NLGN4Y: variants seen among roughly 807,000 people sequenced by gnomAD.
The protein encoded by NLGN4Y is neuroligin-4, Y-linked.
In NLGN4Y, 4 loss-of-function variants were observed where a neutral mutation model predicts 8.4. That is an observed-to-expected ratio of 0.48 (90% confidence interval 0.23 to 1.09). The LOEUF (loss-of-function observed/expected upper bound fraction) is 1.09. NLGN4Y is among the 50% of genes least tolerant of loss of function. The probability of loss-of-function intolerance (pLI) is 0.19; values close to 1 mark genes in which losing one functional copy is unlikely to be tolerated. For missense variants in NLGN4Y, 90 were observed against 192.3 expected (o/e 0.47, Z 3.15); for synonymous variants, 35 against 75.6 (o/e 0.46, Z 2.78).
chrY:14,525,548 T>A, intron 1 of NLGN4Y, among the ~76,000 whole-genome samples: 1 of 33,520 alleles, frequency 3.0e-5, no homozygotes, highest in African/African-American at 1.2e-4. Flanking sequence ...TTAAGAAATT[T>A]GGGGTGGGGG....
intron 1 of NLGN4Y, among the ~76,000 whole-genome samples, chrY:14,618,820 T>G: frequency 3.0e-5 from 1 of 32,988 alleles, no homozygotes; most frequent in Non-Finnish European, 7.4e-5. Context: ...CCATACAGTT[T>G]AGAGGCGGCA....
chrY:14,739,259 C>T (rs2150561995), intron 4 of NLGN4Y, among the ~76,000 whole-genome samples: 1 of 32,304 alleles, frequency 3.1e-5, no homozygotes, highest in East Asian at 8.3e-4. Flanking sequence ...CCTGCCACCA[C>T]GTTTGGCTAA....
At chrY:14,678,729 C>T (rs1485309913) in intron 2 of NLGN4Y, among the ~76,000 whole-genome samples, 1 of 33,228 alleles carries the variant, frequency 3.0e-5, no homozygotes, top group South Asian at 6.8e-4. Flanking sequence ...GCTAGCTTAC[C>T]GGAAAAAGGA....
intron 1 of NLGN4Y, among the ~76,000 whole-genome samples, chrY:14,576,180 C>T (rs1033924348): frequency 2.9e-5 from 1 of 33,903 alleles, no homozygotes; most frequent in African/African-American, 1.2e-4. Context: ...ATGCCCTTCC[C>T]CCAGGGGTGG....
chrY:14,533,261 G>T (rs2080120001), intron 1 of NLGN4Y, among the ~76,000 whole-genome samples: 1 of 32,648 alleles, frequency 3.1e-5, no homozygotes. Flanking sequence ...TTAACATATG[G>T]TAGTGGAAAC....
intron 1 of NLGN4Y, among the ~76,000 whole-genome samples, chrY:14,540,897 C>T: frequency 3.0e-4 from 10 of 33,562 alleles, no homozygotes; most frequent in African/African-American, 4.6e-4. Context: ...GCCTCTCCTC[C>T]TCCAAAGGAT....
At chrY:14,532,916 C>A in intron 1 of NLGN4Y, among the ~76,000 whole-genome samples, 1 of 29,463 alleles carries the variant, frequency 3.4e-5, no homozygotes, top group Non-Finnish European at 8.1e-5. Flanking sequence ...TTTCTTCTTC[C>A]CTCTTTCCTT....
chrY:14,766,202 C>G (rs2081093116), intron 4 of NLGN4Y, among the ~76,000 whole-genome samples: 1 of 33,340 alleles, frequency 3.0e-5, no homozygotes, highest in African/African-American at 1.2e-4. Context: ...TTGAGACCTT[C>G]AAAACCTTTT....
At chrY:14,583,316 G>C (rs1603500385) in intron 1 of NLGN4Y, among the ~76,000 whole-genome samples, 2 of 33,535 alleles carry the variant, frequency 6.0e-5, no homozygotes, top group South Asian at 6.7e-4. Flanking sequence ...ATGTATTTAA[G>C]AAAAACAGTG....
At chrY:14,524,216 C>T (rs2080082419), upstream of NLGN4Y, 6 of 59,402 alleles carry the variant, frequency 1.0e-4, no homozygotes, top group Admixed American at 1.3e-3. Flanking sequence ...TCGGTGCCCA[C>T]TAAGAACACC....
intron 2 of NLGN4Y, among the ~76,000 whole-genome samples, chrY:14,658,385 C>T (rs2080662406): frequency 3.0e-5 from 1 of 33,527 alleles, no homozygotes; most frequent in African/African-American, 1.2e-4. Flanking sequence ...TTTTGCTACC[C>T]TGAATATTTA....
chrY:14,706,328 T>C (rs1220955839), intron 2 of NLGN4Y, among the ~76,000 whole-genome samples: 6 of 33,578 alleles, frequency 1.8e-4, no homozygotes, highest in Admixed American at 5.5e-4. Context: ...ACCAGTTGTA[T>C]GCAAGAAAAC....
intron 4 of NLGN4Y, chrY:14,801,477 G>A: frequency 5.4e-5 from 1 of 18,444 alleles, no homozygotes; most frequent in African/African-American, 2.2e-4. Flanking sequence ...GAAGCAAAAT[G>A]AACAAAGACG....
chrY:14,840,939 C>A lies in NLGN4Y; in HGVS notation c.2188C>A (p.His730Asn). 5.0e-6 allele frequency: 2 copies of A among 396,672 alleles called. No individual in the cohort carries two copies. The highest frequency in any genetic ancestry group is 7.1e-6 in the Non-Finnish European group (2 of 283,272). Residue 730 changes from histidine to asparagine, a missense_variant, in exon 7 of 7, where the codon CAC becomes AAC. Around this residue, in one of 4 missense-constraint regions of NLGN4Y, gnomAD observed 37 missense variants for 94.0 expected, o/e 0.39. Transcript: ENST00000684976. ...CAAGAGGCGCCATGAGACTCACAGG[C>A]ACCCCAGTCCCCAGAGAAACACCAC... ...KDKRRHETHR[H>N]PSPQRNTTND...
At chrY:14,621,230 A>G in intron 1 of NLGN4Y, among the ~76,000 whole-genome samples, 1 of 33,416 alleles carries the variant, frequency 3.0e-5, no homozygotes, top group Admixed American at 2.7e-4. Flanking sequence ...CCTGATAAAT[A>G]TCCACATCAC....
intron 4 of NLGN4Y, among the ~76,000 whole-genome samples, chrY:14,819,765 G>A: frequency 3.0e-5 from 1 of 33,322 alleles, no homozygotes; most frequent in Non-Finnish European, 7.4e-5. Context: ...TTAGACATAA[G>A]ATATTTCACT....
chrY:14,565,104 G>A (rs2080246725), intron 1 of NLGN4Y, among the ~76,000 whole-genome samples: 1 of 32,568 alleles, frequency 3.1e-5, no homozygotes, highest in Non-Finnish European at 7.5e-5. Flanking sequence ...AAACCAGGAT[G>A]CCTCTCCTCC....
At chrY:14,685,478 CCT>C (rs2080786319) in intron 2 of NLGN4Y, among the ~76,000 whole-genome samples, 1 of 33,174 alleles carries the variant, frequency 3.0e-5, no homozygotes, top group African/African-American at 1.2e-4. Context: ...AGTTATCTCC[CCT>C]GTCTGCTATT....
intron 4 of NLGN4Y, among the ~76,000 whole-genome samples, chrY:14,783,924 T>C (rs2042951482): frequency 2.9e-5 from 1 of 34,456 alleles, no homozygotes; most frequent in East Asian, 7.6e-4. Flanking sequence ...TTGAAATTAA[T>C]ATTGTTTCTT....
Sources: allele counts gnomAD v4.1 joint callset (sites outside exome capture counted in the v4.1 genomes callset), GRCh38; gene constraint gnomAD v4.1.1; regional missense constraint gnomAD v4.1.1; transcripts MANE v1.5; gene names NCBI Gene and HGNC (gene_info 2026-07-23, HGNC 2026-07-21).